XRN1: variants seen among roughly 807,000 people sequenced by gnomAD.
The protein encoded by XRN1 is strand-exchange protein 1 homolog.
Under a neutral mutation model 222.3 loss-of-function variants are expected in XRN1, and 67 were observed. That is an observed-to-expected ratio of 0.30 (90% CI 0.25 to 0.37). The LOEUF (loss-of-function observed/expected upper bound fraction) is 0.37. Ranked by LOEUF, XRN1 falls within the 10% of genes least tolerant of loss-of-function variation. The pLI, the probability that XRN1 is intolerant of heterozygous loss-of-function variation, is 1.00. For missense variants in XRN1, 1,707 were observed against 2,000.2 expected (o/e 0.85, Z 2.80); for synonymous variants, 643 against 652.4 (o/e 0.99, Z 0.22).
intron 2 of XRN1, among the ~76,000 whole-genome samples, chr3:142,428,674 T>C (rs1050107470): frequency 4.6e-5 from 7 of 152,168 alleles, no homozygotes; most frequent in Admixed American, 4.6e-4. Context: ...AAATAACTCT[T>C]GGACTTTTGG....
intron 32 of XRN1, among the ~76,000 whole-genome samples, chr3:142,352,088 C>T (rs1169038901): frequency 4.6e-5 from 7 of 152,136 alleles, no homozygotes; most frequent in Non-Finnish European, 5.9e-5. Context: ...TCCTCAGTTC[C>T]TGCAACTGGA....
intron 33 of XRN1, 149 bp downstream of exon 33, chr3:142,347,085 T>C (rs898485282): frequency 1.0e-4 from 62 of 610,534 alleles, no homozygotes; most frequent in African/African-American, 2.1e-4. Context: ...GTGTTGGTTA[T>C]ACAATTTTGT....
At chr3:142,385,461 T>G (rs1024505127) in intron 20 of XRN1, among the ~76,000 whole-genome samples, 1 of 152,144 alleles carries the variant, frequency 6.6e-6, no homozygotes, top group Admixed American at 6.5e-5. Context: ...GCCAGGAGTA[T>G]GTGATGGCTT....
intron 15 of XRN1, among the ~76,000 whole-genome samples, chr3:142,407,317 C>T (rs976238194): frequency 3.3e-5 from 5 of 152,150 alleles, no homozygotes; most frequent in Admixed American, 2.6e-4. Flanking sequence ...AAATTCAATG[C>T]TGTGACTTTT....
intron 2 of XRN1, among the ~76,000 whole-genome samples, chr3:142,431,913 A>T (rs1181969040): frequency 4.3e-5 from 1 of 23,046 alleles, no homozygotes; most frequent in Non-Finnish European, 7.3e-5. Context: ...TATATATATA[A>T]ATATATATAA....
At chr3:142,384,408 C>A in intron 21 of XRN1, 115 bp downstream of exon 21, 1 of 667,162 alleles carries the variant, frequency 1.5e-6, no homozygotes, top group Non-Finnish European at 2.2e-6. Context: ...AAATGATAAT[C>A]TCTATTATAC....
intron 7 of XRN1, 40 bp downstream of exon 7, chr3:142,422,795 G>A (rs1382680723): frequency 1.2e-6 from 2 of 1,602,246 alleles, no homozygotes; most frequent in Admixed American, 1.7e-5. Context: ...GAAAATTTCT[G>A]CAATGGAAAT....
At chr3:142,363,168 AG>A (rs1348753179) in intron 29 of XRN1, among the ~76,000 whole-genome samples, 1 of 152,094 alleles carries the variant, frequency 6.6e-6, no homozygotes, top group African/African-American at 2.4e-5. Context: ...CTATAATTTT[AG>A]CTCTTACATT....
At chr3:142,431,863 TA>T (rs1559879245) in intron 2 of XRN1, among the ~76,000 whole-genome samples, 1,226 of 35,146 alleles carry the variant, frequency 0.035, 68 homozygotes, top group African/African-American at 0.18. Context: ...ATATTATATA[TA>T]ATATATTATA....
chr3:142,336,167 G>T (rs1039488488), intron 33 of XRN1, among the ~76,000 whole-genome samples: 4 of 151,722 alleles, frequency 2.6e-5, no homozygotes, highest in African/African-American at 9.7e-5. Context: ...GAAGGAGATA[G>T]GAAAGGATGA....
chr3:142,389,585 T>A (rs2067640340), intron 20 of XRN1, among the ~76,000 whole-genome samples: 1 of 152,154 alleles, frequency 6.6e-6, no homozygotes, highest in Non-Finnish European at 1.5e-5. Context: ...AGTGGTGTGA[T>A]CTTGGTTCAC....
chr3:142,439,974 G>C (rs571776179), intron 1 of XRN1, among the ~76,000 whole-genome samples: 1 of 152,128 alleles, frequency 6.6e-6, no homozygotes. Flanking sequence ...CTCAGGAGAC[G>C]AAGGTCCTCT....
chr3:142,412,035 A>G (rs1383083798), intron 15 of XRN1, among the ~76,000 whole-genome samples: 5 of 152,010 alleles, frequency 3.3e-5, no homozygotes, highest in Non-Finnish European at 5.9e-5. Flanking sequence ...TGTGTTAGCC[A>G]GGATGGTCTC....
At chr3:142,400,599 C>G in intron 18 of XRN1, 52 bp from the exon 19 acceptor site, 1 of 1,461,706 alleles carries the variant, frequency 6.8e-7, no homozygotes, top group Non-Finnish European at 9.4e-7. Flanking sequence ...TAAGAGAAAA[C>G]TTTACACAGG....
intron 30 of XRN1, 23 bp from the exon 31 acceptor site, chr3:142,357,142 G>C: frequency 6.3e-7 from 1 of 1,578,130 alleles, no homozygotes; most frequent in South Asian, 1.2e-5. Flanking sequence ...GTTATATCAG[G>C]GTTGGAAGGA....
intron 39 of XRN1, among the ~76,000 whole-genome samples, chr3:142,316,213 TC>T (rs1430976588): frequency 4.8e-5 from 7 of 146,936 alleles, no homozygotes; most frequent in Non-Finnish European, 9.0e-5. Flanking sequence ...GTCATTATCT[TC>T]TTTTTTTTTT....
intron 1 of XRN1, among the ~76,000 whole-genome samples, chr3:142,444,598 G>A (rs989782411): frequency 1.3e-5 from 2 of 152,004 alleles, no homozygotes; most frequent in African/African-American, 4.8e-5. Context: ...GACAGAGCGC[G>A]ACCTTGTATC....
intron 27 of XRN1, among the ~76,000 whole-genome samples, chr3:142,367,428 C>T (rs1319256164): frequency 6.6e-6 from 1 of 152,092 alleles, no homozygotes. Flanking sequence ...GAGGAAGAAC[C>T]CAGAATTTTA....
At chr3:142,435,671 C>T (rs1268927204) in intron 1 of XRN1, among the ~76,000 whole-genome samples, 3 of 149,544 alleles carry the variant, frequency 2.0e-5, no homozygotes, top group African/African-American at 5.0e-5. Flanking sequence ...GCATGAGAAT[C>T]GCTTGCACCT....
Sources: allele counts gnomAD v4.1 joint callset (sites outside exome capture counted in the v4.1 genomes callset), GRCh38; gene constraint gnomAD v4.1.1; transcripts MANE v1.5; gene names NCBI Gene and HGNC (gene_info 2026-07-23, HGNC 2026-07-21).